Variants in ARFIP1 observed in about 807,000 individuals in gnomAD.
The protein encoded by ARFIP1 is arfaptin-1.
In ARFIP1, 24 loss-of-function variants were observed where a neutral mutation model predicts 42.5. The ratio of observed to expected loss-of-function variants is 0.57; its 90% CI spans 0.41 to 0.80. The LOEUF (loss-of-function observed/expected upper bound fraction) is 0.80, where lower values mean the gene tolerates loss of function less well. Among genes scored for constraint, ARFIP1 ranks in the 30% least tolerant of loss-of-function variants. The probability of loss-of-function intolerance (pLI) is 0.00; values close to 1 mark genes in which losing one functional copy is unlikely to be tolerated. For missense variants in ARFIP1, 354 were observed against 434.0 expected (o/e 0.82, Z 1.64); for synonymous variants, 141 against 153.7 (o/e 0.92, Z 0.61).
chr4:152,827,518 A>G (rs966171539), intron 1 of ARFIP1, among the ~76,000 whole-genome samples: 2 of 152,188 alleles, frequency 1.3e-5, no homozygotes, highest in Non-Finnish European at 2.9e-5. Context: ...ACTGTAGTAT[A>G]CAGAAAAGTT....
chr4:152,844,790 A>G (rs1452740698), intron 2 of ARFIP1, among the ~76,000 whole-genome samples: 3 of 152,208 alleles, frequency 2.0e-5, no homozygotes, highest in African/African-American at 7.2e-5. Context: ...CATACTGCCT[A>G]AAGCAGTCTA....
At chr4:152,793,984 C>T (rs1297638240) in intron 1 of ARFIP1, among the ~76,000 whole-genome samples, 6 of 152,114 alleles carry the variant, frequency 3.9e-5, no homozygotes, top group African/African-American at 1.2e-4. Context: ...GGTAATTCCT[C>T]TACCTTTGTT....
intron 7 of ARFIP1, among the ~76,000 whole-genome samples, chr4:152,887,730 T>G (rs1736379859): frequency 6.6e-6 from 1 of 152,122 alleles, no homozygotes; most frequent in South Asian, 2.1e-4. Context: ...TCAGAACCAT[T>G]TACACTTCCG....
At chr4:152,806,116 G>T (rs1424308389) in intron 1 of ARFIP1, among the ~76,000 whole-genome samples, 1 of 152,144 alleles carries the variant, frequency 6.6e-6, no homozygotes, top group Non-Finnish European at 1.5e-5. Context: ...CTTCGTGATT[G>T]CATTTTATGT....
At chr4:152,870,936 T>A in intron 4 of ARFIP1, 88 bp downstream of exon 4, 1 of 1,118,126 alleles carries the variant, frequency 8.9e-7, no homozygotes, top group Non-Finnish European at 1.3e-6. Context: ...TTGCTTTATA[T>A]TCTTAGGTGT....
intron 2 of ARFIP1, among the ~76,000 whole-genome samples, chr4:152,848,978 A>C (rs1194453646): frequency 6.6e-6 from 1 of 152,198 alleles, no homozygotes; most frequent in African/African-American, 2.4e-5. Context: ...GTTTTGACCA[A>C]ATATGTATGT....
intron 2 of ARFIP1, among the ~76,000 whole-genome samples, chr4:152,861,169 T>C (rs1419498356): frequency 2.0e-5 from 3 of 152,302 alleles, no homozygotes; most frequent in African/African-American, 7.2e-5. Flanking sequence ...AGTTTAGTGA[T>C]AGAGATTCAG....
In ARFIP1 at chr4:152,816,052, A is replaced by G. The variant is rs78594551; in HGVS notation, c.-9-13573A>G. Among the ~76,000 whole-genome samples the G allele has an allele frequency of 3.8e-3, 571 of 152,100 alleles. 27 individuals are homozygous for G. In the East Asian group the frequency reaches 0.094, roughly 25 times the overall value. ...AGCCACCGCGCCCGGCCATCTGACCACTTCTTTACATCCTCAGCTACTGTT... is the reference window on the plus strand; with the variant it reads ...AGCCACCGCGCCCGGCCATCTGACCGCTTCTTTACATCCTCAGCTACTGTT... On this transcript the variant is annotated intron_variant, in intron 1 of 8. Transcript: ENST00000353617.
intron 1 of ARFIP1, among the ~76,000 whole-genome samples, chr4:152,804,333 A>T (rs1371846334): frequency 4.6e-5 from 2 of 43,574 alleles, no homozygotes; most frequent in African/African-American, 1.8e-4. Context: ...TATTATATAT[A>T]TTTTATATAT....
At chr4:152,836,872 T>C (rs1435507220) in intron 2 of ARFIP1, among the ~76,000 whole-genome samples, 1 of 152,204 alleles carries the variant, frequency 6.6e-6, no homozygotes, top group Non-Finnish European at 1.5e-5. Context: ...ATTTGTTAGA[T>C]TTTGGTGCAC....
rs1309202175 is a variant in ARFIP1 at position 152,888,130 on chromosome 4, C to T, written c.792-3C>T. 1.3e-6 allele frequency: 2 copies of T among 1,589,402 alleles called. No homozygotes were observed. Among genetic ancestry groups the T allele is most frequent in the East Asian group, 2.2e-5 (1 of 44,480 alleles). ...TATGCTTCACTTACTCTCTTCTTTC[C>T]AGGATTGAATATGATGCATATCGCA... On this transcript the variant is annotated splice_polypyrimidine_tract_variant and splice_region_variant and intron_variant, in intron 7 of 8. Transcript: ENST00000353617.
chr4:152,822,385 AC>A (rs919892104), intron 1 of ARFIP1, among the ~76,000 whole-genome samples: 5 of 151,972 alleles, frequency 3.3e-5, no homozygotes, highest in Admixed American at 1.3e-4. Context: ...GCATATATGC[AC>A]CTAACTTTGG....
At chr4:152,829,760 ATCATGGT>A in intron 2 of ARFIP1, 34 bp downstream of exon 2, 2 of 1,489,596 alleles carry the variant, frequency 1.3e-6, no homozygotes, top group Non-Finnish European at 9.2e-7. Flanking sequence ...AATGCAAAGA[ATCATGGT>A]AAGTCTTTAA....
At chr4:152,846,693 TGAA>T (rs1732562842) in intron 2 of ARFIP1, among the ~76,000 whole-genome samples, 1 of 152,166 alleles carries the variant, frequency 6.6e-6, no homozygotes, top group Non-Finnish European at 1.5e-5. Flanking sequence ...TATAGACTAG[TGAA>T]GAGATCTCAT....
chr4:152,799,772 G>A (rs1731690205), intron 1 of ARFIP1, among the ~76,000 whole-genome samples: 2 of 152,164 alleles, frequency 1.3e-5, no homozygotes, highest in African/African-American at 4.8e-5. Context: ...GTGCATGTGT[G>A]TTCTAGGAAA....
intron 2 of ARFIP1, among the ~76,000 whole-genome samples, chr4:152,835,253 CA>C (rs1447851369): frequency 6.6e-6 from 1 of 152,158 alleles, no homozygotes; most frequent in Non-Finnish European, 1.5e-5. Flanking sequence ...ATATAAGTTC[CA>C]ACTTTAAGTC....
chr4:152,897,070 G>C (rs938009872), intron 8 of ARFIP1, among the ~76,000 whole-genome samples: 1 of 152,180 alleles, frequency 6.6e-6, no homozygotes, highest in South Asian at 2.1e-4. Context: ...ACATGGAAGA[G>C]GAAAAATTTG....
chr4:152,832,540 A>G (rs927021068), intron 2 of ARFIP1, among the ~76,000 whole-genome samples: 3 of 151,346 alleles, frequency 2.0e-5, no homozygotes, highest in African/African-American at 7.3e-5. Flanking sequence ...TTGTTTTTGT[A>G]CTCTATTAAT....
At chr4:152,796,840 C>G (rs561329341) in intron 1 of ARFIP1, 10 of 560,204 alleles carry the variant, frequency 1.8e-5, no homozygotes, top group Non-Finnish European at 3.2e-5. Context: ...GGCACAGTGA[C>G]GGCTGCAGAG....
Sources: gnomAD v4.1 joint callset for allele counts (sites outside exome capture counted in the v4.1 genomes callset) on GRCh38, gnomAD v4.1.1 for gene constraint, MANE v1.5 for transcripts, NCBI Gene and HGNC (gene_info 2026-07-23, HGNC 2026-07-21) for gene names.